The following TASOR2 variants were observed in gnomAD, a reference collection of about 807,000 sequenced individuals.
TASOR2 encodes the protein protein TASOR 2.
In TASOR2, 84 loss-of-function variants were observed where a neutral mutation model predicts 199.5. The ratio of observed to expected loss-of-function variants is 0.42; its 90% confidence interval spans 0.35 to 0.50. TASOR2 has a LOEUF of 0.50. TASOR2 is among the 20% of genes least tolerant of loss of function. The pLI is 0.02. For missense variants in TASOR2, 2,796 were observed against 2,835.9 expected (o/e 0.99, Z 0.32); for synonymous variants, 1,103 against 1,046.6 (o/e 1.05, Z -1.04).
intron 1 of TASOR2, among the ~76,000 whole-genome samples, chr10:5,702,247 A>G (rs1355364271): frequency 1.3e-5 from 2 of 152,158 alleles, no homozygotes; most frequent in Non-Finnish European, 2.9e-5. Context: ...TTCTGTTAAT[A>G]TATCACATTT....
At chr10:5,693,978 C>G (rs1164463834) in intron 1 of TASOR2, among the ~76,000 whole-genome samples, 1 of 151,948 alleles carries the variant, frequency 6.6e-6, no homozygotes, top group Non-Finnish European at 1.5e-5. Context: ...ATTCCATGTT[C>G]TAATGCTTTA....
intron 1 of TASOR2, chr10:5,712,353 G>GTTT (rs1832033224): frequency 8.1e-7 from 1 of 1,227,094 alleles, no homozygotes; most frequent in Non-Finnish European, 1.0e-6. Flanking sequence ...CCATCCTTTG[G>GTTT]AATCTTAAAT....
intron 1 of TASOR2, among the ~76,000 whole-genome samples, chr10:5,691,206 A>G (rs1226512127): frequency 6.7e-6 from 1 of 150,200 alleles, no homozygotes; most frequent in Admixed American, 6.6e-5. Context: ...AAAAAAAAAG[A>G]AAGTTATATG....
intron 1 of TASOR2, among the ~76,000 whole-genome samples, chr10:5,709,212 G>A (rs1177417669): frequency 6.6e-6 from 1 of 152,092 alleles, no homozygotes; most frequent in Non-Finnish European, 1.5e-5. Context: ...TCAACTAGTG[G>A]AATAAAGATG....
rs746756840 is a variant in TASOR2, at chr10:5,735,320, T to G, written c.1221T>G (p.Thr407=). Residue 407 remains threonine, a synonymous_variant, in exon 12 of 21, where the codon ACT becomes ACG. Coordinates refer to ENST00000328090, the Ensembl canonical transcript of TASOR2. The stretch of plus-strand genomic sequence containing the variant: ...CTACATAAGGTGCGGAAGTGCTGAC[T>G]GCACAGTTTGTACAGAAAACCAAAT... The G allele has an allele frequency of 2.5e-6, 4 of 1,613,874 alleles. No homozygotes were observed. The South Asian group carries it at 3.3e-5, about 13-fold the overall frequency.
chr10:5,727,105 C>T (rs780033612), exon 10 of TASOR2: 19 of 1,613,938 alleles, frequency 1.2e-5, no homozygotes, highest in East Asian at 6.7e-5. Flanking sequence ...ACATTTATTT[C>T]GTTCACCCCT....
chr10:5,744,806 T>G (rs1836946363), intron 14 of TASOR2, among the ~76,000 whole-genome samples: 1 of 152,184 alleles, frequency 6.6e-6, no homozygotes, highest in South Asian at 2.1e-4. Flanking sequence ...TTTTTGTATT[T>G]TTAGTAGAGA....
intron 2 of TASOR2, among the ~76,000 whole-genome samples, chr10:5,716,186 CA>C (rs1440152192): frequency 6.6e-6 from 1 of 152,174 alleles, no homozygotes; most frequent in Non-Finnish European, 1.5e-5. Context: ...AAACTTTATG[CA>C]GTCTGTTGTT....
At chr10:5,704,507 C>G (rs1838327275) in intron 1 of TASOR2, among the ~76,000 whole-genome samples, 1 of 151,820 alleles carries the variant, frequency 6.6e-6, no homozygotes, top group Non-Finnish European at 1.5e-5. Context: ...TTTTCAGTGC[C>G]TTGTTTTGTC....
intron 1 of TASOR2, among the ~76,000 whole-genome samples, chr10:5,696,468 C>T (rs150389717): frequency 3.7e-4 from 56 of 152,292 alleles, no homozygotes; most frequent in African/African-American, 1.3e-3. Flanking sequence ...GCCATCCTCC[C>T]ACCTCAGCCT....
intron 18 of TASOR2, among the ~76,000 whole-genome samples, chr10:5,760,281 G>C (rs1171096221): frequency 6.6e-6 from 1 of 152,150 alleles, no homozygotes; most frequent in Non-Finnish European, 1.5e-5. Flanking sequence ...TTGTATATGT[G>C]GTCCGTCATT....
chr10:5,700,753 C>A (rs576903599), intron 1 of TASOR2, among the ~76,000 whole-genome samples: 4 of 151,392 alleles, frequency 2.6e-5, no homozygotes, highest in Admixed American at 2.0e-4. Flanking sequence ...TTATTCAGAT[C>A]TTTTGCCTGT....
intron 1 of TASOR2, among the ~76,000 whole-genome samples, chr10:5,711,191 G>T (rs1188188865): frequency 3.3e-5 from 5 of 152,016 alleles, no homozygotes; most frequent in Admixed American, 1.3e-4. Context: ...TTTATTAAAA[G>T]ATTTTTTAAA....
At chr10:5,761,435 C>G in exon 19 of TASOR2, 1 of 1,613,230 alleles carries the variant, frequency 6.2e-7, no homozygotes, top group Non-Finnish European at 8.5e-7. Context: ...CCTGCAAATT[C>G]AGCATATTGA....
At position 5,689,376 on chromosome 10, in the gene TASOR2, C is replaced by T. The variant is rs539954286; in HGVS notation, c.-288+4201C>T. Among the ~76,000 whole-genome samples, 4 of 152,150 alleles carry T rather than the reference C, an allele frequency of 2.6e-5. No individual in the cohort carries two copies. The East Asian group carries it at 7.7e-4, about 29-fold the overall frequency. Reference sequence around the variant, plus strand: ...CAGCACTTTGGGTGGCCGAGGTGGGCGGATCAAGAGGTCAGGAGTTCAAGA... The same window carrying T: ...CAGCACTTTGGGTGGCCGAGGTGGGTGGATCAAGAGGTCAGGAGTTCAAGA... On this transcript the variant is annotated intron_variant, in intron 1 of 20. Transcript: ENST00000328090. The surrounding 1 kb of genome is among the most constrained non-coding windows in gnomAD (Gnocchi z 4.1).
At chr10:5,749,690 T>G in exon 15 of TASOR2, 1 of 1,614,228 alleles carries the variant, frequency 6.2e-7, no homozygotes, top group Non-Finnish European at 8.5e-7. Flanking sequence ...ACTGTTTCAT[T>G]CCACCTCAAC....
In TASOR2 at chr10:5,687,334, A is replaced by G. The variant is rs1171062392; in HGVS notation, c.-288+2159A>G. 6.6e-6 allele frequency among the ~76,000 whole-genome samples: 1 copy of G among 152,048 alleles called. No homozygotes were observed. Among genetic ancestry groups the G allele is most frequent in the Non-Finnish European group, 1.5e-5 (1 of 68,018 alleles). ...CCTTGCCTTTTTAAACAGTTTTATC[A>G]CCTATATAGATATCCTTAACTAGCA... On this transcript the variant is annotated intron_variant, in intron 1 of 20. Coordinates refer to ENST00000328090, the Ensembl canonical transcript of TASOR2. The surrounding 1 kb of genome is among the most constrained non-coding windows in gnomAD (Gnocchi z 4.8).
intron 15 of TASOR2, among the ~76,000 whole-genome samples, chr10:5,756,117 G>C (rs1217198737): frequency 6.6e-6 from 1 of 152,160 alleles, no homozygotes; most frequent in Non-Finnish European, 1.5e-5. Context: ...ATTGTACTGG[G>C]CTGCACTGCA....
Position 5,735,531 on chromosome 10 carries a change from A to G in TASOR2, c.1432A>G (p.Lys478Glu), listed in dbSNP as rs562966224. Residue 478 changes from lysine (K) to glutamate (E), a missense_variant, in exon 12 of 21, where the codon AAG (lysine) becomes GAG (glutamate). Physicochemically the swap from Lys to Glu is moderately conservative, Grantham distance 56. Coordinates refer to ENST00000328090, the Ensembl canonical transcript of TASOR2. The stretch of plus-strand genomic sequence containing the variant: ...AGGCAATGAGAACCCCAGAAACAGA[A>G]AGCAGCTACAACCTGGTAAGAAATA... 9 of 1,613,704 alleles carry G rather than the reference A, an allele frequency of 5.6e-6. No individual in the cohort carries two copies. In the Admixed American group the frequency reaches 1.0e-4, roughly 18 times the overall value.
Sources: gnomAD v4.1 joint callset for allele counts (sites outside exome capture counted in the v4.1 genomes callset) on GRCh38, gnomAD v4.1.1 for gene constraint, Gnocchi (gnomAD v3.1) non-coding constraint, MANE v1.5 for transcripts, NCBI Gene and HGNC (gene_info 2026-07-23, HGNC 2026-07-21) for gene names.